KIT: variants seen among roughly 807,000 people sequenced by gnomAD.
The protein encoded by KIT is mast/stem cell growth factor receptor Kit.
Under a neutral mutation model 105.7 loss-of-function variants are expected in KIT, and 16 were observed. The observed-to-expected ratio is 0.15, with a 90% confidence interval of 0.10 to 0.23. The LOEUF (loss-of-function observed/expected upper bound fraction) is 0.23, where lower values mean the gene tolerates loss of function less well. KIT is among the 10% of genes least tolerant of loss of function. KIT has a pLI of 1.00. For synonymous variants in KIT, 438 were observed against 441.1 expected (o/e 0.99, Z 0.09); for missense variants, 858 against 1,213.8 (o/e 0.71, Z 4.36).
intron 1 of KIT, 118 bp from the exon 2 acceptor site, chr4:54,695,394 C>T: frequency 2.0e-6 from 2 of 1,011,520 alleles, no homozygotes. Flanking sequence ...AATAGCAGGG[C>T]AGCTTTGTCC....
rs1012827033 is a variant in KIT, at chr4:54,728,845, C to T, written c.1991-490C>T. On this transcript the variant is annotated intron_variant, in intron 13 of 20. Coordinates refer to ENST00000288135, the MANE Select transcript of KIT (RefSeq NM_000222.3). ...CACCAAAAAATTTTTCAACTAGTAG[C>T]GCTCAGAACACAGGTCATTTTAGGT... Among the ~76,000 whole-genome samples the T allele has an allele frequency of 2.6e-5, 4 of 152,166 alleles. No individual in the cohort carries two copies. In the South Asian group the frequency reaches 6.2e-4, roughly 24 times the overall value.
intron 1 of KIT, among the ~76,000 whole-genome samples, chr4:54,692,215 A>G (rs532497854): frequency 2.3e-4 from 35 of 152,356 alleles, no homozygotes; most frequent in Admixed American, 2.3e-3. Context: ...GTCCTAACTC[A>G]AGAGCCAGGC....
chr4:54,680,478 G>A (rs1346852059), intron 1 of KIT, among the ~76,000 whole-genome samples: 9 of 143,504 alleles, frequency 6.3e-5, no homozygotes, highest in Non-Finnish European at 1.2e-4. Context: ...TGCAACCTCC[G>A]CCTCCCCAGT....
chr4:54,722,875 T>TTATATATTTA (rs1721977935), intron 7 of KIT, among the ~76,000 whole-genome samples: 1 of 138,718 alleles, frequency 7.2e-6, no homozygotes, highest in African/African-American at 3.0e-5. Context: ...GTATATATAT[T>TTATATATTTA]TATATATATG....
chr4:54,731,684 G>T (rs1722606827), intron 15 of KIT, among the ~76,000 whole-genome samples, 187 bp from the exon 16 acceptor site: 1 of 152,098 alleles, frequency 6.6e-6, no homozygotes, highest in Admixed American at 6.5e-5. Flanking sequence ...TTGTAACCCA[G>T]CCTAGGATTG....
chr4:54,660,390 T>G (rs1464872357), intron 1 of KIT, among the ~76,000 whole-genome samples: 1 of 151,976 alleles, frequency 6.6e-6, no homozygotes, highest in Non-Finnish European at 1.5e-5. Context: ...GAGGCTGGAG[T>G]CATTCTCAGC....
intron 1 of KIT, among the ~76,000 whole-genome samples, chr4:54,659,641 G>T (rs1238261298): frequency 6.6e-6 from 1 of 152,090 alleles, no homozygotes; most frequent in Non-Finnish European, 1.5e-5. Flanking sequence ...GGGTCAGCAG[G>T]GGTCACGAGG....
chr4:54,695,502 T>C lies in KIT; in HGVS notation c.68-10T>C, dbSNP rs2109660215. 1 of 1,614,112 alleles carries C rather than the reference T, an allele frequency of 6.2e-7. No homozygotes were observed. The highest frequency in any genetic ancestry group is 2.2e-5 in the East Asian group (1 of 44,884). ...GATCATACTCAACACGATTCTGTTT[T>C]TCTTGGCAGGCTCTTCTCAACCATC... On this transcript the variant is annotated splice_polypyrimidine_tract_variant and intron_variant, in intron 1 of 20. Coordinates refer to ENST00000288135, the MANE Select transcript of KIT (RefSeq NM_000222.3).
At chr4:54,658,168 G>T in intron 1 of KIT, 87 bp downstream of exon 1, 1 of 1,338,222 alleles carries the variant, frequency 7.5e-7, no homozygotes, top group Non-Finnish European at 1.1e-6. Context: ...GGTGCATCCG[G>T]AGAGAGGACT....
intron 1 of KIT, among the ~76,000 whole-genome samples, chr4:54,666,976 A>T (rs942310878): frequency 6.6e-6 from 1 of 152,238 alleles, no homozygotes; most frequent in Non-Finnish European, 1.5e-5. Context: ...AAGAAATTGT[A>T]CGGTGTGGTA....
At chr4:54,686,994 G>T (rs1719352071) in intron 1 of KIT, among the ~76,000 whole-genome samples, 1 of 152,154 alleles carries the variant, frequency 6.6e-6, no homozygotes, top group African/African-American at 2.4e-5. Flanking sequence ...AAGATTGGAG[G>T]TACCACTGGT....
intron 1 of KIT, among the ~76,000 whole-genome samples, chr4:54,691,395 T>A (rs1362589157): frequency 6.6e-6 from 1 of 151,748 alleles, no homozygotes; most frequent in Non-Finnish European, 1.5e-5. Flanking sequence ...TGAGGACAGG[T>A]TATCGCAACA....
At chr4:54,684,221 C>G (rs142083259) in intron 1 of KIT, among the ~76,000 whole-genome samples, 247 of 152,148 alleles carry the variant, frequency 1.6e-3, no homozygotes, top group Non-Finnish European at 1.8e-3. Context: ...GCCTCCGCTG[C>G]AAAGGATGTG....
intron 9 of KIT, 105 bp from the exon 10 acceptor site, chr4:54,727,113 C>T (rs1722270276): frequency 1.1e-6 from 1 of 892,580 alleles, no homozygotes; most frequent in Non-Finnish European, 1.9e-6. Flanking sequence ...TTGCATCCTG[C>T]CATGGGCTGT....
intron 14 of KIT, among the ~76,000 whole-genome samples, chr4:54,731,111 A>G (rs1397210937): frequency 3.3e-5 from 5 of 152,172 alleles, no homozygotes; most frequent in Non-Finnish European, 5.9e-5. Flanking sequence ...CACAAAAAGG[A>G]CACCTAGTTT....
intron 4 of KIT, among the ~76,000 whole-genome samples, chr4:54,701,537 A>G (rs1387393960): frequency 5.9e-5 from 9 of 152,182 alleles, no homozygotes; most frequent in Non-Finnish European, 1.3e-4. Context: ...AGCTTTCTTA[A>G]TGCCTCTAAA....
chr4:54,695,385 A>G, intron 1 of KIT, 127 bp from the exon 2 acceptor site: 4 of 957,290 alleles, frequency 4.2e-6, no homozygotes, highest in Non-Finnish European at 6.6e-6. Flanking sequence ...TCAGCCATAA[A>G]TAGCAGGGCA....
intron 1 of KIT, among the ~76,000 whole-genome samples, chr4:54,666,784 C>G (rs1241849543): frequency 6.6e-6 from 1 of 152,138 alleles, no homozygotes; most frequent in Non-Finnish European, 1.5e-5. Flanking sequence ...GGAAAATAAC[C>G]AACCGTTTTT....
intron 7 of KIT, 124 bp downstream of exon 7, chr4:54,709,663 T>C: frequency 1.4e-6 from 1 of 723,912 alleles, no homozygotes; most frequent in Non-Finnish European, 2.5e-6. Flanking sequence ...ATCTTGACCT[T>C]CACAGAGACT....
Sources: gnomAD v4.1 joint callset for allele counts (sites outside exome capture counted in the v4.1 genomes callset) on GRCh38, gnomAD v4.1.1 for gene constraint, MANE v1.5 for transcripts, NCBI Gene and HGNC (gene_info 2026-07-23, HGNC 2026-07-21) for gene names.